The following FOLH1 variants were observed in gnomAD, a reference collection of about 807,000 sequenced individuals.
FOLH1 encodes glutamate carboxypeptidase 2.
Under a neutral mutation model 93.9 loss-of-function variants are expected in FOLH1, and 54 were observed. The observed-to-expected ratio is 0.57, with a 90% confidence interval of 0.46 to 0.72. The LOEUF (loss-of-function observed/expected upper bound fraction) is 0.72, where lower values mean the gene tolerates loss of function less well. Ranked by LOEUF, FOLH1 falls within the 30% of genes least tolerant of loss-of-function variation. The pLI is 0.00. For synonymous variants in FOLH1, 249 were observed against 303.6 expected, an observed-to-expected ratio of 0.82 and a Z score of 1.87; for missense variants, 571 against 892.5, an observed-to-expected ratio of 0.64 and a Z score of 4.59.
At chr11:49,153,996 A>G in intron 16 of FOLH1, 69 bp from the exon 17 acceptor site, 1 of 1,376,480 alleles carries the variant, frequency 7.3e-7, no homozygotes, top group South Asian at 1.4e-5. Context: ...TCTATAGTTC[A>G]AGAAAAGGAA....
At chr11:49,200,473 T>C in intron 2 of FOLH1, 32 bp from the exon 3 acceptor site, 2 of 1,604,596 alleles carry the variant, frequency 1.2e-6, no homozygotes, top group Non-Finnish European at 1.7e-6. Flanking sequence ...TGGTTAGATA[T>C]TAATGTTTAA....
chr11:49,193,302 T>C (rs1462638229), intron 3 of FOLH1, among the ~76,000 whole-genome samples: 1 of 152,216 alleles, frequency 6.6e-6, no homozygotes, highest in Non-Finnish European at 1.5e-5. Flanking sequence ...AATTTATTTT[T>C]TGTAAGTGGC....
intron 3 of FOLH1, among the ~76,000 whole-genome samples, chr11:49,195,657 C>T (rs1862539221): frequency 6.6e-6 from 1 of 150,522 alleles, no homozygotes; most frequent in Admixed American, 6.6e-5. Context: ...TTTGACATAT[C>T]CCTCTCAAGA....
chr11:49,162,222 C>G (rs1328388370), intron 13 of FOLH1, among the ~76,000 whole-genome samples: 3 of 152,048 alleles, frequency 2.0e-5, no homozygotes, highest in Admixed American at 6.6e-5. Flanking sequence ...AATATGTTTT[C>G]CAAGCTGGTT....
intron 3 of FOLH1, among the ~76,000 whole-genome samples, chr11:49,195,464 A>G (rs1424774880): frequency 6.6e-6 from 1 of 152,124 alleles, no homozygotes; most frequent in Non-Finnish European, 1.5e-5. Context: ...ATAGAAATGA[A>G]GAAAGACTGA....
chr11:49,181,237 A>G (rs1860694331), intron 7 of FOLH1, among the ~76,000 whole-genome samples: 1 of 151,396 alleles, frequency 6.6e-6, no homozygotes, highest in Admixed American at 6.6e-5. Context: ...CCTCCTGAGT[A>G]GCTGGGACTA....
At chr11:49,182,143 G>T (rs1285966693) in intron 7 of FOLH1, among the ~76,000 whole-genome samples, 1 of 151,688 alleles carries the variant, frequency 6.6e-6, no homozygotes, top group African/African-American at 2.4e-5. Context: ...AGCCTGATCA[G>T]CATGGTGAAA....
intron 7 of FOLH1, among the ~76,000 whole-genome samples, chr11:49,180,070 G>C (rs375347264): frequency 7.9e-5 from 12 of 152,212 alleles, no homozygotes; most frequent in African/African-American, 2.9e-4. Flanking sequence ...GCGTCATTGA[G>C]TAGAGAGTAA....
chr11:49,207,514 AG>A (rs1173700514), intron 1 of FOLH1, among the ~76,000 whole-genome samples: 13 of 152,322 alleles, frequency 8.5e-5, no homozygotes, highest in Admixed American at 2.6e-4. Flanking sequence ...GTGATACCTT[AG>A]ACTAGTCCTG....
intron 17 of FOLH1, among the ~76,000 whole-genome samples, chr11:49,152,156 A>G (rs1286643593): frequency 6.6e-6 from 1 of 152,132 alleles, no homozygotes. Context: ...ATTGGTGAAT[A>G]TCAAATTTTT....
intron 6 of FOLH1, 71 bp downstream of exon 6, chr11:49,185,597 CA>C: frequency 6.3e-7 from 1 of 1,580,050 alleles, no homozygotes; most frequent in Non-Finnish European, 8.6e-7. Context: ...TCCATTGTAC[CA>C]AAGGAAATTC....
At chr11:49,169,032 C>T (rs1490227081) in intron 12 of FOLH1, among the ~76,000 whole-genome samples, 163 bp downstream of exon 12, 1 of 152,062 alleles carries the variant, frequency 6.6e-6, no homozygotes, top group Non-Finnish European at 1.5e-5. Context: ...TAGGGCTCAC[C>T]CAACTCTCAA....
At chr11:49,205,490 T>C (rs1863808815) in intron 2 of FOLH1, among the ~76,000 whole-genome samples, 1 of 152,140 alleles carries the variant, frequency 6.6e-6, no homozygotes, top group Non-Finnish European at 1.5e-5. Context: ...TAAGTATTCA[T>C]CCAAAGTATT....
intron 2 of FOLH1, 82 bp downstream of exon 2, chr11:49,205,985 C>T: frequency 7.5e-7 from 1 of 1,332,200 alleles, no homozygotes; most frequent in Non-Finnish European, 1.0e-6. Context: ...AGTCCAGTTC[C>T]TATATATAAA....
intron 5 of FOLH1, 43 bp from the exon 6 acceptor site, chr11:49,185,898 G>T (rs767725366): frequency 1.1e-5 from 17 of 1,500,348 alleles, no homozygotes; most frequent in Non-Finnish European, 1.5e-5. Flanking sequence ...TAAATTGGTT[G>T]TTCCAGATTC....
Position 49,182,892 on chromosome 11 carries a change from C to T in FOLH1, c.920+257G>A, listed in dbSNP as rs141750993. On this transcript the variant is annotated intron_variant, in intron 7 of 18. Coordinates refer to ENST00000256999, the MANE Select transcript of FOLH1 (RefSeq NM_004476.3). ...ATAGTGGGGTTTCAAAGCACAATGT[C>T]TGGAGCAATTGATCAATTAGGTTCC... Among the ~76,000 whole-genome samples the T allele has an allele frequency of 4.7e-3, 715 of 152,168 alleles. 7 individuals are homozygous for T. The highest frequency in any genetic ancestry group is 0.017 in the African/African-American group (688 of 41,516).
intron 9 of FOLH1, 105 bp from the exon 10 acceptor site, chr11:49,173,581 A>G: frequency 3.3e-6 from 4 of 1,219,604 alleles, no homozygotes; most frequent in Non-Finnish European, 4.3e-6. Flanking sequence ...GCCTCAGAAA[A>G]AAAAAAAAGG....
chr11:49,147,677 T>C (rs1239150190), intron 18 of FOLH1, among the ~76,000 whole-genome samples: 1 of 152,020 alleles, frequency 6.6e-6, no homozygotes, highest in African/African-American at 2.4e-5. Flanking sequence ...TAATCCCATA[T>C]ATTAGGGAGG....
intron 1 of FOLH1, 176 bp downstream of exon 1, chr11:49,208,116 T>C: frequency 3.2e-6 from 2 of 620,304 alleles, no homozygotes; most frequent in Non-Finnish European, 5.8e-6. Context: ...CCCTGCACCG[T>C]TCCCAGCTAC....
Sources: gnomAD v4.1 joint callset for allele counts (sites outside exome capture counted in the v4.1 genomes callset) on GRCh38, gnomAD v4.1.1 for gene constraint, MANE v1.5 for transcripts, NCBI Gene and HGNC (gene_info 2026-07-23, HGNC 2026-07-21) for gene names.